Variants in ATRX observed in about 807,000 individuals in gnomAD.
ATRX encodes the protein ATRX chromatin remodeler.
In ATRX, 12 loss-of-function variants were observed where a neutral mutation model predicts 172.6. That is an observed-to-expected ratio of 0.07 (90% CI 0.04 to 0.11). The LOEUF (loss-of-function observed/expected upper bound fraction) is 0.11. ATRX is among the 10% of genes least tolerant of loss of function. The pLI, the probability that ATRX is intolerant of heterozygous loss-of-function variation, is 1.00. For synonymous variants in ATRX, 674 were observed against 594.7 expected (o/e 1.13, Z -1.94); for missense variants, 1,368 against 1,767.4 (o/e 0.77, Z 4.05).
At chrX:77,539,891 T>C (rs782586244) in intron 30 of ATRX, among the ~76,000 whole-genome samples, 1 of 111,842 alleles carries the variant, frequency 8.9e-6, no homozygotes, top group African/African-American at 3.2e-5. Flanking sequence ...ATCAACGCTA[T>C]GAAGAAACTG....
chrX:77,559,629 G>A (rs1300283133), intron 28 of ATRX, among the ~76,000 whole-genome samples: 2 of 107,729 alleles, frequency 1.9e-5, no homozygotes, highest in Non-Finnish European at 3.8e-5. Context: ...GTTAATTTTT[G>A]TATTTTTAGT....
At chrX:77,784,092 G>A (rs919852835) in intron 1 of ATRX, among the ~76,000 whole-genome samples, 45 of 112,102 alleles carry the variant, frequency 4.0e-4, no homozygotes, top group African/African-American at 1.4e-3. Flanking sequence ...CAGCTGAAGG[G>A]GGCATTAATG....
chrX:77,724,877 G>C (rs2073958654), intron 1 of ATRX, among the ~76,000 whole-genome samples: 1 of 112,057 alleles, frequency 8.9e-6, no homozygotes, highest in East Asian at 2.8e-4. Context: ...CCCTGGAAAT[G>C]TGTATGTCCT....
intron 22 of ATRX, among the ~76,000 whole-genome samples, chrX:77,610,830 G>C (rs960132384): frequency 1.8e-5 from 2 of 108,339 alleles, no homozygotes; most frequent in Non-Finnish European, 3.8e-5. Flanking sequence ...ATCCCCAAAA[G>C]TTGAGGATTT....
intron 26 of ATRX, among the ~76,000 whole-genome samples, chrX:77,591,219 G>A (rs183189985): frequency 1.8e-5 from 2 of 111,665 alleles, no homozygotes; most frequent in African/African-American, 6.5e-5. Context: ...TCTCCTTTCG[G>A]TCACCAATTT....
At chrX:77,777,919 G>A (rs1285997690) in intron 1 of ATRX, among the ~76,000 whole-genome samples, 1 of 109,482 alleles carries the variant, frequency 9.1e-6, no homozygotes, top group African/African-American at 3.3e-5. Flanking sequence ...GGCAGATCAC[G>A]AGGTCTAGGA....
chrX:77,689,606 A>C (rs2071775490), intron 6 of ATRX, among the ~76,000 whole-genome samples: 1 of 112,352 alleles, frequency 8.9e-6, no homozygotes, highest in South Asian at 3.7e-4. Context: ...TGGGGGAAAA[A>C]GGCAGAGTCC....
intron 1 of ATRX, among the ~76,000 whole-genome samples, chrX:77,753,824 G>A: frequency 8.9e-6 from 1 of 111,776 alleles, no homozygotes; most frequent in East Asian, 2.8e-4. Context: ...GTTGATCTGT[G>A]GTAGAGAGTT....
In ATRX at chrX:77,663,439, C is replaced by T; in HGVS notation, c.4063G>A (p.Glu1355Lys). Residue 1355 changes from glutamate (E) to lysine (K), a missense_variant, in exon 12 of 35, where the codon GAA (glutamate) becomes AAA (lysine). Glu to Lys is a moderately conservative substitution (Grantham distance 56). Around this residue, in one of 17 missense-constraint regions of ATRX, gnomAD observed 119 missense variants for 131.3 expected, o/e 0.91. Coordinates refer to ENST00000373344, the MANE Select transcript of ATRX (RefSeq NM_000489.6). The part of the protein sequence containing the change: ...LTVSDGESGE[E>K]KKTKPKEHKE... ...TGCTCTTTAGGCTTTGTCTTTTTTT[C>T]TTCTCCAGATTCTCCGTCACTCACA... 8.3e-7 allele frequency: 1 copy of T among 1,211,145 alleles called. No homozygotes were observed. Among genetic ancestry groups the T allele is most frequent in the Non-Finnish European group, 1.1e-6 (1 of 895,231 alleles).
At chrX:77,616,280 G>T in intron 22 of ATRX, 1 of 889,919 alleles carries the variant, frequency 1.1e-6, no homozygotes, top group Non-Finnish European at 1.4e-6. Flanking sequence ...TATTAATGTG[G>T]GTAAATACTT....
At position 77,506,378 on chromosome X, in the gene ATRX, G is replaced by A. The variant is rs1349030596; in HGVS notation, c.*1973C>T. 4.1e-5 allele frequency: 7 copies of A among 172,030 alleles called. No individual in the cohort carries two copies. Among genetic ancestry groups the A allele is most frequent in the Non-Finnish European group, 7.8e-5 (7 of 90,178 alleles). 14.2% of individuals were successfully genotyped at this position (172,030 alleles called of 1,213,427 possible). A position where few individuals can be genotyped will look rare whatever the true frequency, so the allele number is the denominator to read the frequency against. On this transcript the variant is annotated 3_prime_UTR_variant, in exon 35 of 35. Transcript: ENST00000373344. ...AACCCTTCTAAGTATTATTCTTTAA[G>A]TTATAGTTTCATCCATGGTGAAAAA... is the stretch of plus-strand genomic sequence containing the variant.
At chrX:77,527,035 T>A (rs1557044016) in intron 30 of ATRX, among the ~76,000 whole-genome samples, 1 of 112,598 alleles carries the variant, frequency 8.9e-6, no homozygotes, top group Non-Finnish European at 1.9e-5. Flanking sequence ...AAACATTACC[T>A]CCATCCTGGC....
chrX:77,694,068 G>A (rs1455066269), intron 5 of ATRX, 131 bp from the exon 6 acceptor site: 1 of 509,531 alleles, frequency 2.0e-6, no homozygotes, highest in African/African-American at 2.4e-5. Context: ...ATTGGTGTAA[G>A]GACCTCACAA....
At chrX:77,698,539 G>T in intron 3 of ATRX, 35 bp downstream of exon 3, 1 of 1,163,577 alleles carries the variant, frequency 8.6e-7, no homozygotes, top group Non-Finnish European at 1.2e-6. Flanking sequence ...TTGGTTAATC[G>T]TAACTAACAA....
intron 1 of ATRX, among the ~76,000 whole-genome samples, chrX:77,755,740 G>A (rs975192948): frequency 5.4e-5 from 6 of 111,316 alleles, no homozygotes; most frequent in African/African-American, 1.3e-4. Flanking sequence ...TGATGCCCAC[G>A]GGAGCTCTCC....
At chrX:77,631,064 A>C (rs1467959359) in intron 19 of ATRX, among the ~76,000 whole-genome samples, 1 of 110,384 alleles carries the variant, frequency 9.1e-6, no homozygotes, top group Non-Finnish European at 1.9e-5. Flanking sequence ...GGCCAGGACA[A>C]TATAACATGA....
intron 30 of ATRX, among the ~76,000 whole-genome samples, chrX:77,544,913 A>C (rs2064177959): frequency 9.0e-6 from 1 of 111,131 alleles, no homozygotes; most frequent in Non-Finnish European, 1.9e-5. Context: ...ATGAACTCAA[A>C]CAAATTTACA....
At chrX:77,642,072 C>T (rs1349172866) in intron 15 of ATRX, among the ~76,000 whole-genome samples, 1 of 110,835 alleles carries the variant, frequency 9.0e-6, no homozygotes, top group East Asian at 2.8e-4. Flanking sequence ...GGGCATGCCT[C>T]TAGTCCTAGC....
intron 12 of ATRX, 50 bp downstream of exon 12, chrX:77,663,332 C>T (rs2148486196): frequency 8.4e-7 from 1 of 1,184,240 alleles, no homozygotes. Context: ...CAGGCATAAG[C>T]CACTGTCTGG....
Sources: allele counts gnomAD v4.1 joint callset (sites outside exome capture counted in the v4.1 genomes callset), GRCh38; gene constraint gnomAD v4.1.1; regional missense constraint gnomAD v4.1.1; transcripts MANE v1.5; gene names NCBI Gene and HGNC (gene_info 2026-07-23, HGNC 2026-07-21).